Variants in UGT1A4 observed in about 807,000 individuals in gnomAD.
UGT1A4 encodes UDP-glucuronosyltransferase 1A4.
UGT1A4 carries 32 observed loss-of-function variants against 41.1 expected under a neutral mutation model. The ratio of observed to expected loss-of-function variants is 0.78; its 90% CI spans 0.59 to 1.05. The LOEUF (loss-of-function observed/expected upper bound fraction) is 1.05. Among genes scored for constraint, UGT1A4 ranks in the 50% least tolerant of loss-of-function variants. UGT1A4 has a pLI of 0.00. For missense variants in UGT1A4, 748 were observed against 677.4 expected (o/e 1.10, Z -1.16); for synonymous variants, 283 against 265.1 (o/e 1.07, Z -0.66).
At chr2:233,768,071 G>T in intron 3 of UGT1A4, 135 bp downstream of exon 3, 1 of 1,595,002 alleles carries the variant, frequency 6.3e-7, no homozygotes, top group Non-Finnish European at 8.6e-7. Flanking sequence ...TTTATCTAGT[G>T]GGGTATCTCA....
intron 1 of UGT1A4, among the ~76,000 whole-genome samples, chr2:233,766,396 G>A (rs1050069085): frequency 2.0e-5 from 3 of 152,150 alleles, no homozygotes; most frequent in East Asian, 3.9e-4. Context: ...CTGTCCTTGC[G>A]TCCCTCCGCT....
At position 233,721,180 on chromosome 2, in the gene UGT1A4, C is replaced by A. The variant is rs28898614; in HGVS notation, c.867+1493C>A. On this transcript the variant is annotated intron_variant, in intron 1 of 4. Coordinates refer to ENST00000373409, the MANE Select transcript of UGT1A4 (RefSeq NM_007120.3). Reference sequence around the variant, plus strand: ...AACTTTATTTTTGTTTTTGATCAAACCACAAGATATTTGTTCTACTGGTTT... The same window carrying A: ...AACTTTATTTTTGTTTTTGATCAAAACACAAGATATTTGTTCTACTGGTTT... Among the ~76,000 whole-genome samples the A allele has an allele frequency of 9.2e-3, 1,399 of 152,232 alleles. 33 individuals carry two copies. Among genetic ancestry groups the A allele is most frequent in the African/African-American group, 0.032 (1,310 of 41,542 alleles).
chr2:233,760,579 A>G (rs2125986282), intron 1 of UGT1A4: 1 of 1,614,220 alleles, frequency 6.2e-7, no homozygotes, highest in South Asian at 1.1e-5. Context: ...TCTCGGGCAT[A>G]ATGTTTTTGA....
At chr2:233,735,563 C>T (rs530958068) in intron 1 of UGT1A4, among the ~76,000 whole-genome samples, 4 of 152,230 alleles carry the variant, frequency 2.6e-5, no homozygotes, top group East Asian at 1.9e-4. Flanking sequence ...ATGGTGTTAT[C>T]GGGTTATTTT....
At chr2:233,748,154 C>T (rs1428123835) in intron 1 of UGT1A4, 2 of 1,600,806 alleles carry the variant, frequency 1.2e-6, no homozygotes, top group Non-Finnish European at 1.7e-6. Flanking sequence ...CTTACAATTG[C>T]TTCCATATCT....
At position 233,725,271 on chromosome 2, in the gene UGT1A4, GAGGCAGAGGCAGAGGCA is replaced by G. The variant is rs1559370545; in HGVS notation, c.867+5585_867+5601del. ...AGAGGAGGCAGAGGCAGAGGAGGCAGAGGCAGAGGCAGAGGCAGAGGCAGAGGCAGAGGCAGAGGCAG... is the reference window on the plus strand; with the variant it reads ...AGAGGAGGCAGAGGCAGAGGAGGCAGGAGGCAGAGGCAGAGGCAGAGGCAG... On this transcript the variant is annotated intron_variant, in intron 1 of 4. Coordinates refer to ENST00000373409, the MANE Select transcript of UGT1A4 (RefSeq NM_007120.3). 2.2e-4 allele frequency among the ~76,000 whole-genome samples: 9 copies of G among 41,180 alleles called. 2 individuals are homozygous for G. The East Asian group carries it at 5.2e-3, about 24-fold the overall frequency. 27.0% of individuals were successfully genotyped at this position (41,180 alleles called of 152,430 possible). A position where few individuals can be genotyped will look rare whatever the true frequency, so the allele number is the denominator to read the frequency against.
rs771343471 is a variant in UGT1A4, at chr2:233,718,825, C to T, written c.5C>T (p.Ala2Val). M[A>V]RGLQVPLPRL... ...CTGTCGGTGGCTTCTGCTGAGATGG[C>T]CAGAGGACTCCAGGTTCCCCTGCCG... is the stretch of plus-strand genomic sequence containing the variant. Residue 2 changes from alanine to valine, a missense_variant, in exon 1 of 5, where the codon GCC becomes GTC. Transcript: ENST00000373409. 5.6e-6 allele frequency: 9 copies of T among 1,613,344 alleles called. No homozygotes were observed. Among genetic ancestry groups the T allele is most frequent in the African/African-American group, 5.3e-5 (4 of 74,904 alleles).
At chr2:233,752,418 C>G (rs969012523) in intron 1 of UGT1A4, 2 of 152,110 alleles carry the variant, frequency 1.3e-5, no homozygotes, top group African/African-American at 2.4e-5. Context: ...TTCTGAAAAC[C>G]TGATTTATCG....
At chr2:233,771,266 TTTTC>T (rs1700270540) in intron 4 of UGT1A4, 1 of 152,178 alleles carries the variant, frequency 6.6e-6, no homozygotes, top group Non-Finnish European at 1.5e-5. Context: ...GTGCCTTTTT[TTTTC>T]TTTCTTCTCC....
rs35041092 is a variant in UGT1A4 at position 233,761,235 on chromosome 2, C to T, written c.868-5799C>T. 9.3e-4 allele frequency: 1,493 copies of T among 1,612,640 alleles called. 2 individuals are homozygous for T. The highest frequency in any genetic ancestry group is 1.5e-3 in the Middle Eastern group (9 of 6,058). ...TCGATTAACTAGCCCCAGATATATG[C>T]TGAGCAAGCATTCTGAGATAATTTA... On this transcript the variant is annotated intron_variant, in intron 1 of 4. Coordinates refer to ENST00000373409, the MANE Select transcript of UGT1A4 (RefSeq NM_007120.3).
At chr2:233,741,949 G>A (rs188089498) in intron 1 of UGT1A4, 3 of 151,926 alleles carry the variant, frequency 2.0e-5, no homozygotes, top group Admixed American at 2.0e-4. Context: ...CAACAGAAAG[G>A]TACTTTCTTG....
rs28900406 is a variant in UGT1A4, at chr2:233,772,385, C to T, written c.1431C>T (p.Pro477=). Residue 477 remains proline (P), a synonymous_variant, in exon 5 of 5, where the codon CCC becomes CCT. Transcript: ENST00000373409. ...MRHKGAPHLR[P]AAHDLTWYQY... ...ACAAGGGCGCGCCACACCTGCGCCC[C>T]GCAGCCCACGACCTCACCTGGTACC... The T allele has an allele frequency of 7.5e-4, 1,213 of 1,614,246 alleles. 13 individuals are homozygous for T. The African/African-American group carries it at 0.014, about 19-fold the overall frequency.
chr2:233,761,040 A>G (rs1426136333), intron 1 of UGT1A4: 5 of 1,614,140 alleles, frequency 3.1e-6, no homozygotes, highest in Non-Finnish European at 4.2e-6. Context: ...TGAGCTCTGC[A>G]TCTGTCTGGC....
intron 1 of UGT1A4, among the ~76,000 whole-genome samples, chr2:233,757,244 T>G (rs1696450978): frequency 1.0e-5 from 1 of 99,552 alleles, no homozygotes; most frequent in African/African-American, 4.0e-5. Context: ...GGTGGTGAGG[T>G]GGGGTTATTC....
Position 233,772,516 on chromosome 2 carries a change from A to T in UGT1A4, c.1562A>T (p.Lys521Ile). The T allele has an allele frequency of 1.2e-6, 2 of 1,614,208 alleles. No individual in the cohort carries two copies. Among genetic ancestry groups the T allele is most frequent in the Non-Finnish European group, 1.7e-6 (2 of 1,180,034 alleles). Reference protein sequence around the residue: ...CAYGYRKCLGKKGRVKKAHKS... With the variant: ...CAYGYRKCLGIKGRVKKAHKS... ...TATGGCTACCGGAAATGCTTGGGGAAAAAAGGGCGAGTTAAGAAAGCCCAC... is the reference window on the plus strand; with the variant it reads ...TATGGCTACCGGAAATGCTTGGGGATAAAAGGGCGAGTTAAGAAAGCCCAC... The change falls in exon 5 of 5, where the codon AAA becomes ATA. Residue 521 changes from lysine (K) to isoleucine (I), a missense_variant. By Grantham distance (102) the Lys-to-Ile change is moderately radical. Transcript: ENST00000373409.
chr2:233,747,777 A>T (rs1038765158), intron 1 of UGT1A4: 20 of 1,613,544 alleles, frequency 1.2e-5, no homozygotes, highest in Non-Finnish European at 1.3e-5. Context: ...ACAGTGTCCA[A>T]ATCCTTCCTC....
rs571873235 is a variant in UGT1A4, at chr2:233,755,171, G to C, written c.868-11863G>C. On this transcript the variant is annotated intron_variant, in intron 1 of 4. Transcript: ENST00000373409. ...CTTCCTCCCTGTCCTCGGGGTTTTT[G>C]TCGGGGTGCCACTTGAGCGCCAGCT... 3.0e-4 allele frequency: 375 copies of C among 1,256,390 alleles called. 6 individuals carry two copies. In the South Asian group the frequency reaches 4.2e-3, roughly 14 times the overall value. The allele number at this position is 1,256,390 out of a possible 1,614,324, so 77.8% of individuals were successfully genotyped here.
chr2:233,746,290 CTT>C (rs1389294286), intron 1 of UGT1A4, among the ~76,000 whole-genome samples: 2 of 151,596 alleles, frequency 1.3e-5, no homozygotes, highest in Non-Finnish European at 2.9e-5. Flanking sequence ...AGGAAGGTGG[CTT>C]TGTTTCCCTT....
chr2:233,745,619 A>G (rs976825900), intron 1 of UGT1A4, among the ~76,000 whole-genome samples: 4 of 151,618 alleles, frequency 2.6e-5, no homozygotes, highest in Non-Finnish European at 5.9e-5. Context: ...CACACAATGA[A>G]CAGTCATAGA....
Sources: gnomAD v4.1 joint callset for allele counts (sites outside exome capture counted in the v4.1 genomes callset) on GRCh38, gnomAD v4.1.1 for gene constraint, MANE v1.5 for transcripts, NCBI Gene and HGNC (gene_info 2026-07-23, HGNC 2026-07-21) for gene names.